The following CCSER1 variants were observed in gnomAD, a reference collection of about 807,000 sequenced individuals.
The protein encoded by CCSER1 is coiled-coil serine rich protein 1.
Under a neutral mutation model 82.0 loss-of-function variants are expected in CCSER1, and 41 were observed. The ratio of observed to expected loss-of-function variants is 0.50; its 90% confidence interval spans 0.39 to 0.65. CCSER1 has a LOEUF of 0.65. Among genes scored for constraint, CCSER1 ranks in the 30% least tolerant of loss-of-function variants. The pLI, the probability that CCSER1 is intolerant of heterozygous loss-of-function variation, is 0.00. For missense variants in CCSER1, 1,119 were observed against 1,064.2 expected, an observed-to-expected ratio of 1.05 and a Z score of -0.72; for synonymous variants, 414 against 383.9, an observed-to-expected ratio of 1.08 and a Z score of -0.92.
At chr4:91,442,388 A>G (rs1755233230) in intron 10 of CCSER1, among the ~76,000 whole-genome samples, 1 of 151,630 alleles carries the variant, frequency 6.6e-6, no homozygotes, top group South Asian at 2.1e-4. Context: ...TCGCTATTTA[A>G]TAAATGGTGC....
chr4:91,439,263 T>G (rs1184618737), intron 10 of CCSER1, among the ~76,000 whole-genome samples: 1 of 152,064 alleles, frequency 6.6e-6, no homozygotes, highest in Admixed American at 6.6e-5. Context: ...GGGAAGCCCA[T>G]CAGACTAACA....
rs547543155 is a variant in CCSER1, at chr4:91,448,811, G to GA, written c.2218-149754dup. ...TGTAGGAACTGGTAATACAACAGGG[G>GA]AAAAAAATGCATGAAGTTACTGCCC... On this transcript the variant is annotated intron_variant, in intron 10 of 10. Coordinates refer to ENST00000509176, the MANE Select transcript of CCSER1 (RefSeq NM_001145065.2). 2.1e-4 allele frequency among the ~76,000 whole-genome samples: 32 copies of GA among 152,094 alleles called. No individual in the cohort carries two copies. In the East Asian group the frequency reaches 6.2e-3, roughly 29 times the overall value.
chr4:90,984,566 C>T (rs1305427743), intron 9 of CCSER1, among the ~76,000 whole-genome samples: 1 of 151,628 alleles, frequency 6.6e-6, no homozygotes, highest in Non-Finnish European at 1.5e-5. Context: ...ACAAGTGTCT[C>T]TTAGTTGAGT....
At chr4:91,543,246 T>C (rs1761702131) in intron 10 of CCSER1, among the ~76,000 whole-genome samples, 1 of 152,232 alleles carries the variant, frequency 6.6e-6, no homozygotes, top group South Asian at 2.1e-4. Flanking sequence ...GGGTCTTGAC[T>C]CTTTATCCAA....
chr4:90,148,355 A>G (rs746374194), intron 1 of CCSER1, among the ~76,000 whole-genome samples: 1 of 152,156 alleles, frequency 6.6e-6, no homozygotes, highest in Non-Finnish European at 1.5e-5. Context: ...TTTATTTAGA[A>G]AAGCCCAGTA....
chr4:91,207,270 T>C (rs1227519620), intron 10 of CCSER1, among the ~76,000 whole-genome samples: 1 of 151,840 alleles, frequency 6.6e-6, no homozygotes, highest in African/African-American at 2.4e-5. Context: ...AACTTGTGAC[T>C]CGTGGACTTG....
At chr4:90,155,711 G>A (rs78969706) in intron 1 of CCSER1, among the ~76,000 whole-genome samples, 42,747 of 151,528 alleles carry the variant, frequency 0.28, 7,571 homozygotes, top group East Asian at 0.64. Context: ...TATTTCTGTG[G>A]GATCGTATCC....
At chr4:90,717,003 T>G (rs950573468) in intron 6 of CCSER1, among the ~76,000 whole-genome samples, 1 of 152,170 alleles carries the variant, frequency 6.6e-6, no homozygotes, top group Non-Finnish European at 1.5e-5. Flanking sequence ...CTAAGGATGT[T>G]CCATCTACTT....
At chr4:91,251,265 C>T (rs1740237570) in intron 10 of CCSER1, among the ~76,000 whole-genome samples, 1 of 152,080 alleles carries the variant, frequency 6.6e-6, no homozygotes, top group African/African-American at 2.4e-5. Context: ...TTGTTGATTG[C>T]CACTTTCTTG....
At chr4:90,222,975 G>A (rs1267805285) in intron 1 of CCSER1, among the ~76,000 whole-genome samples, 2 of 152,042 alleles carry the variant, frequency 1.3e-5, no homozygotes, top group Non-Finnish European at 1.5e-5. Context: ...ATGTATATAT[G>A]TGTGTGTGTG....
chr4:90,132,266 G>C (rs1349945301), intron 1 of CCSER1, among the ~76,000 whole-genome samples: 1 of 152,086 alleles, frequency 6.6e-6, no homozygotes, highest in African/African-American at 2.4e-5. Flanking sequence ...GTATCATTTC[G>C]ATAATGTAAT....
intron 10 of CCSER1, among the ~76,000 whole-genome samples, chr4:91,163,195 A>G (rs990679417): frequency 6.6e-6 from 1 of 152,228 alleles, no homozygotes; most frequent in African/African-American, 2.4e-5. Flanking sequence ...TTTAACCAAT[A>G]GTCATTCAAG....
chr4:91,479,229 A>C (rs954117191), intron 10 of CCSER1, among the ~76,000 whole-genome samples: 2 of 151,596 alleles, frequency 1.3e-5, no homozygotes, highest in Non-Finnish European at 2.9e-5. Context: ...TGTGACAAAG[A>C]ACGTTTAGTT....
At chr4:91,242,718 G>T (rs1399432435) in intron 10 of CCSER1, among the ~76,000 whole-genome samples, 3 of 152,042 alleles carry the variant, frequency 2.0e-5, no homozygotes, top group African/African-American at 7.2e-5. Flanking sequence ...GCCATGGACT[G>T]GGATAAAATA....
intron 9 of CCSER1, among the ~76,000 whole-genome samples, chr4:90,950,828 A>C (rs1007418862): frequency 7.9e-5 from 12 of 152,118 alleles, no homozygotes; most frequent in Non-Finnish European, 1.6e-4. Context: ...CAGAGCTAAC[A>C]TGCTATTCCC....
At chr4:91,357,879 C>T (rs1182820138) in intron 10 of CCSER1, among the ~76,000 whole-genome samples, 1 of 70,352 alleles carries the variant, frequency 1.4e-5, no homozygotes. Flanking sequence ...TCTGCCTGCC[C>T]CCCCCCCCTT....
At chr4:90,171,234 G>A (rs1731612328) in intron 1 of CCSER1, among the ~76,000 whole-genome samples, 1 of 150,846 alleles carries the variant, frequency 6.6e-6, no homozygotes. Context: ...TCAATTTAAA[G>A]GACACAAGTG....
chr4:90,873,010 A>G (rs1411083116), intron 8 of CCSER1, among the ~76,000 whole-genome samples: 1 of 152,004 alleles, frequency 6.6e-6, no homozygotes, highest in East Asian at 1.9e-4. Context: ...TTTTAAAAAA[A>G]TACTTGATTT....
At chr4:91,596,047 T>C (rs1420602657) in intron 10 of CCSER1, among the ~76,000 whole-genome samples, 1 of 151,866 alleles carries the variant, frequency 6.6e-6, no homozygotes, top group Admixed American at 6.6e-5. Flanking sequence ...TGTATTTTCC[T>C]TTAAAAATTG....
Sources: allele counts gnomAD v4.1 joint callset (sites outside exome capture counted in the v4.1 genomes callset), GRCh38; gene constraint gnomAD v4.1.1; transcripts MANE v1.5; gene names NCBI Gene and HGNC (gene_info 2026-07-23, HGNC 2026-07-21).